AMZ1: variants seen among roughly 807,000 people sequenced by gnomAD.
The protein encoded by AMZ1 is archaemetzincin-1.
In AMZ1, 39 loss-of-function variants were observed where a neutral mutation model predicts 29.9. The ratio of observed to expected loss-of-function variants is 1.30; its 90% CI spans 1.01 to 1.70. The LOEUF is 1.70. Ranked by LOEUF, AMZ1 falls within the 40% of genes most tolerant of loss-of-function variation. AMZ1 has a pLI of 0.00. For missense variants in AMZ1, 1,041 were observed against 680.6 expected, an observed-to-expected ratio of 1.53 and a Z score of -5.89; for synonymous variants, 458 against 304.0, an observed-to-expected ratio of 1.51 and a Z score of -5.27.
chr7:2,690,221 GAGACAGACAGAC>G (rs369423795), intron 1 of AMZ1, among the ~76,000 whole-genome samples: 1 of 152,120 alleles, frequency 6.6e-6, no homozygotes, highest in African/African-American at 2.4e-5. Context: ...GAGAGAGAGA[GAGACAGACAGAC>G]AGACAGACAG....
intron 6 of AMZ1, among the ~76,000 whole-genome samples, chr7:2,710,510 G>C (rs375239304): frequency 7.4e-4 from 113 of 152,320 alleles, no homozygotes; most frequent in African/African-American, 2.1e-3. Context: ...GTTGAGGCAA[G>C]TGGGGGTGTG....
Position 2,700,225 on chromosome 7 carries a change from C to G in AMZ1, c.-218-9C>G, listed in dbSNP as rs1180352674. 3.4e-6 allele frequency: 2 copies of G among 587,040 alleles called. No individual in the cohort carries two copies. Among genetic ancestry groups the G allele is most frequent in the African/African-American group, 3.7e-5 (2 of 53,652 alleles). 36.4% of individuals were successfully genotyped at this position (587,040 alleles called of 1,614,324 possible). A position where few individuals can be genotyped will look rare whatever the true frequency, so the allele number is the denominator to read the frequency against. On this transcript the variant is annotated splice_polypyrimidine_tract_variant and intron_variant, in intron 1 of 6. Transcript: ENST00000683327. The stretch of plus-strand genomic sequence containing the variant: ...GCAGTGAGGGGACCCCTGTTCGTGT[C>G]ATCCACAGGGTGCTGTGGGCCCAGA...
intron 4 of AMZ1, 131 bp downstream of exon 4, chr7:2,708,847 G>T: frequency 7.0e-7 from 1 of 1,438,426 alleles, no homozygotes; most frequent in South Asian, 1.3e-5. Flanking sequence ...CTGTGCATGG[G>T]AATAGATGGC....
downstream of AMZ1, among the ~76,000 whole-genome samples, chr7:2,724,104 G>T (rs186172963): frequency 1.3e-5 from 2 of 151,692 alleles, no homozygotes; most frequent in Non-Finnish European, 1.5e-5. Flanking sequence ...ATGGGGAGTG[G>T]GGGGGCGGGT....
chr7:2,747,426 G>C (rs1466085524), intron 4 of AMZ1, among the ~76,000 whole-genome samples: 1 of 152,150 alleles, frequency 6.6e-6, no homozygotes, highest in Non-Finnish European at 1.5e-5. Flanking sequence ...AAAACCACAT[G>C]ACTATCTCAG....
upstream of AMZ1, among the ~76,000 whole-genome samples, chr7:2,761,459 C>A (rs985394008): frequency 6.6e-6 from 1 of 152,160 alleles, no homozygotes; most frequent in Non-Finnish European, 1.5e-5. Flanking sequence ...AAGCCTAGTA[C>A]AAATAAAGAA....
At chr7:2,722,318 G>A (rs556507721), downstream of AMZ1, among the ~76,000 whole-genome samples, 1 of 152,004 alleles carries the variant, frequency 6.6e-6, no homozygotes, top group African/African-American at 2.4e-5. Flanking sequence ...TCTCGCCTGG[G>A]CTGGAGTGCA....
chr7:2,717,409 G>A lies in AMZ1; in HGVS notation c.*4531G>A, dbSNP rs1446818294. The stretch of plus-strand genomic sequence containing the variant: ...GCTCCAGTAAGAGTGAGAGACTCAC[G>A]GGGGCCTGGCTGCCGTCCTGGGAGA... On this transcript the variant is annotated 3_prime_UTR_variant, in exon 7 of 7. Coordinates refer to ENST00000683327, the MANE Select transcript of AMZ1 (RefSeq NM_001384743.1). Among the ~76,000 whole-genome samples, 2 of 152,186 alleles carry A rather than the reference G, an allele frequency of 1.3e-5. No individual in the cohort carries two copies. Among genetic ancestry groups the A allele is most frequent in the East Asian group, 1.9e-4 (1 of 5,192 alleles).
chr7:2,763,915 T>G (rs1791693503), upstream of AMZ1, among the ~76,000 whole-genome samples: 2 of 152,086 alleles, frequency 1.3e-5, no homozygotes, highest in Admixed American at 1.3e-4. Context: ...TGCTTTAGAG[T>G]CTTGGTTAAA....
intron 4 of AMZ1, among the ~76,000 whole-genome samples, chr7:2,754,852 G>C (rs188811674): frequency 6.6e-6 from 1 of 152,296 alleles, no homozygotes; most frequent in African/African-American, 2.4e-5. Context: ...TCATGTCTAA[G>C]AATTCTTCAC....
chr7:2,764,244 CTTTTT>C (rs35992308), upstream of AMZ1, among the ~76,000 whole-genome samples: 175 of 139,340 alleles, frequency 1.3e-3, no homozygotes, highest in African/African-American at 3.8e-3. Flanking sequence ...CAGCTAATTT[CTTTTT>C]TTTTTTTTTT....
chr7:2,711,277 G>A (rs906458598), intron 6 of AMZ1, among the ~76,000 whole-genome samples: 2 of 152,202 alleles, frequency 1.3e-5, no homozygotes, highest in African/African-American at 4.8e-5. Flanking sequence ...GGGAGGTGCT[G>A]GAGAGCTGAC....
chr7:2,763,714 A>G (rs552915583), upstream of AMZ1, among the ~76,000 whole-genome samples: 2 of 152,266 alleles, frequency 1.3e-5, no homozygotes, highest in South Asian at 4.1e-4. Context: ...CAGGAAACCA[A>G]AGCTTCTTCT....
chr7:2,705,535 A>C (rs1422445993), intron 3 of AMZ1, among the ~76,000 whole-genome samples: 2 of 150,426 alleles, frequency 1.3e-5, no homozygotes, highest in African/African-American at 4.9e-5. Flanking sequence ...TCCTTAATCC[A>C]CTCCTCCCCA....
intron 4 of AMZ1, among the ~76,000 whole-genome samples, chr7:2,739,374 A>G (rs1790381414): frequency 6.6e-6 from 1 of 152,122 alleles, no homozygotes; most frequent in South Asian, 2.1e-4. Flanking sequence ...GAGCGCATTC[A>G]CACAGCATGC....
chr7:2,710,193 G>T (rs972965933), intron 6 of AMZ1, among the ~76,000 whole-genome samples: 1 of 141,954 alleles, frequency 7.0e-6, no homozygotes, highest in Non-Finnish European at 1.5e-5. Context: ...CTGCTGCTCA[G>T]AGGAGGCACA....
chr7:2,747,108 C>G (rs1355331781), intron 4 of AMZ1, among the ~76,000 whole-genome samples: 1 of 152,210 alleles, frequency 6.6e-6, no homozygotes, highest in African/African-American at 2.4e-5. Flanking sequence ...GGAGCTGGCA[C>G]CATTCCTTCT....
intron 1 of AMZ1, 50 bp from the exon 2 acceptor site, chr7:2,700,184 G>A (rs991467732): frequency 9.8e-6 from 5 of 507,770 alleles, no homozygotes; most frequent in African/African-American, 3.8e-5. Flanking sequence ...CTGGGACATC[G>A]GGCCCTGTGT....
At chr7:2,728,347 T>C (rs929783781) in intron 4 of AMZ1, 5 of 152,314 alleles carry the variant, frequency 3.3e-5, no homozygotes, top group African/African-American at 1.2e-4. Context: ...GAGTTTTTTT[T>C]TTCAATCTTG....
Sources: allele counts gnomAD v4.1 joint callset (sites outside exome capture counted in the v4.1 genomes callset), GRCh38; gene constraint gnomAD v4.1.1; transcripts MANE v1.5; gene names NCBI Gene and HGNC (gene_info 2026-07-23, HGNC 2026-07-21).